RBFOX1: variants seen among roughly 807,000 people sequenced by gnomAD.
RBFOX1 encodes the protein RNA binding fox-1 homolog 1.
RBFOX1 carries 8 observed loss-of-function variants against 57.7 expected under a neutral mutation model. The ratio of observed to expected loss-of-function variants is 0.14; its 90% CI spans 0.08 to 0.25. RBFOX1 has a LOEUF of 0.25. Among genes scored for constraint, RBFOX1 ranks in the 10% least tolerant of loss-of-function variants. The pLI, the probability that RBFOX1 is intolerant of heterozygous loss-of-function variation, is 1.00. For synonymous variants in RBFOX1, 326 were observed against 222.4 expected (o/e 1.47, Z -4.15); for missense variants, 611 against 548.5 (o/e 1.11, Z -1.14).
intron 2 of RBFOX1, among the ~76,000 whole-genome samples, chr16:6,545,428 G>T (rs1188566191): frequency 6.6e-6 from 1 of 152,024 alleles, no homozygotes; most frequent in African/African-American, 2.4e-5. Flanking sequence ...CATTCTTAGG[G>T]CTTTCAACAC....
chr16:6,442,901 C>T (rs2094414242), intron 2 of RBFOX1, among the ~76,000 whole-genome samples: 1 of 152,114 alleles, frequency 6.6e-6, no homozygotes, highest in African/African-American at 2.4e-5. Context: ...GTGTGTTTGC[C>T]ATGCGAAAGT....
intron 3 of RBFOX1, among the ~76,000 whole-genome samples, chr16:5,830,823 G>T (rs1042150144): frequency 5.3e-5 from 8 of 152,120 alleles, no homozygotes; most frequent in African/African-American, 1.7e-4. Flanking sequence ...AGGGTCTTCA[G>T]ACTGTGTTCA....
intron 2 of RBFOX1, among the ~76,000 whole-genome samples, chr16:6,503,716 T>C (rs1294115882): frequency 6.6e-6 from 1 of 152,174 alleles, no homozygotes; most frequent in Non-Finnish European, 1.5e-5. Flanking sequence ...ATGTTGCATT[T>C]TCTGATGTCT....
intron 3 of RBFOX1, among the ~76,000 whole-genome samples, chr16:6,914,200 C>A (rs1480207640): frequency 6.6e-6 from 1 of 152,134 alleles, no homozygotes; most frequent in African/African-American, 2.4e-5. Context: ...TTCTAAAATA[C>A]CTCACTGAGT....
intron 3 of RBFOX1, among the ~76,000 whole-genome samples, chr16:6,722,920 T>A (rs1214628483): frequency 6.6e-6 from 1 of 152,206 alleles, no homozygotes; most frequent in Admixed American, 6.5e-5. Context: ...ATATTTGTGG[T>A]TGGGGACTAG....
At chr16:6,756,655 G>C (rs985757363) in intron 3 of RBFOX1, among the ~76,000 whole-genome samples, 3 of 151,998 alleles carry the variant, frequency 2.0e-5, no homozygotes, top group African/African-American at 4.8e-5. Flanking sequence ...ATGGGCAAAG[G>C]ATCTGAATAA....
At chr16:7,573,693 G>A (rs3826215) in intron 5 of RBFOX1, among the ~76,000 whole-genome samples, 39,830 of 151,832 alleles carry the variant, frequency 0.26, 6,177 homozygotes, top group Non-Finnish European at 0.34. Context: ...AATGAGCCAG[G>A]CACAGTGGCA....
At chr16:7,709,657 G>A in intron 15 of RBFOX1, 1 of 1,521,860 alleles carries the variant, frequency 6.6e-7, no homozygotes, top group East Asian at 2.5e-5. Flanking sequence ...GGCACACTTT[G>A]TGTGTGTACC....
At chr16:7,503,621 C>T (rs952099204) in intron 4 of RBFOX1, among the ~76,000 whole-genome samples, 10 of 152,032 alleles carry the variant, frequency 6.6e-5, no homozygotes, top group Admixed American at 3.3e-4. Context: ...AACTTTTCCC[C>T]CTTTAGAAAA....
At chr16:6,810,137 C>G (rs530333521) in intron 3 of RBFOX1, among the ~76,000 whole-genome samples, 7 of 151,738 alleles carry the variant, frequency 4.6e-5, no homozygotes, top group East Asian at 1.9e-4. Context: ...AAATATGCCT[C>G]TTATGGACAG....
chr16:7,535,479 C>G (rs756379719), intron 5 of RBFOX1, among the ~76,000 whole-genome samples: 9 of 152,182 alleles, frequency 5.9e-5, no homozygotes, highest in Admixed American at 2.6e-4. Flanking sequence ...ATAAACTGGG[C>G]TAGATGGTGT....
chr16:6,837,492 A>G (rs1255642727), intron 3 of RBFOX1, among the ~76,000 whole-genome samples: 2 of 152,194 alleles, frequency 1.3e-5, no homozygotes, highest in African/African-American at 4.8e-5. Flanking sequence ...ACATGGATGA[A>G]CATAACCATG....
At chr16:7,322,469 C>T (rs1208225442) in intron 4 of RBFOX1, among the ~76,000 whole-genome samples, 3 of 152,206 alleles carry the variant, frequency 2.0e-5, no homozygotes, top group Admixed American at 1.3e-4. Context: ...TTTGACTTTG[C>T]GCATGCCTGC....
intron 1 of RBFOX1, among the ~76,000 whole-genome samples, chr16:5,438,525 C>A (rs1005088553): frequency 6.6e-6 from 1 of 152,182 alleles, no homozygotes; most frequent in African/African-American, 2.4e-5. Context: ...ACCAGATATG[C>A]CCCCTGTTCT....
At chr16:7,526,182 CA>C (rs2078667231) in intron 5 of RBFOX1, among the ~76,000 whole-genome samples, 1 of 152,134 alleles carries the variant, frequency 6.6e-6, no homozygotes, top group Non-Finnish European at 1.5e-5. Context: ...ATCTGAGGTG[CA>C]ACCATTTCAT....
rs1555630917 is a variant in RBFOX1, at chr16:6,335,797, A to AAAAAAGAAAAG, written c.-64+18744_-64+18745insAGAAAAGAAAA. On this transcript the variant is annotated intron_variant, in intron 2 of 15. Coordinates refer to ENST00000550418, the MANE Select transcript of RBFOX1 (RefSeq NM_018723.4). Reference sequence around the variant, plus strand: ...TCTCCAAAAAAAAAAAAAAGAAAAAAAAAAGAAAAGAAAAGAAAAGAAAAA... The same window carrying AAAAAAGAAAAG: ...TCTCCAAAAAAAAAAAAAAGAAAAAAAAAAAGAAAAGAAAAGAAAAGAAAAGAAAAGAAAAA... 1.8e-3 allele frequency among the ~76,000 whole-genome samples: 267 copies of AAAAAAGAAAAG among 149,724 alleles called. 1 individual carries two copies. Among genetic ancestry groups the AAAAAAGAAAAG allele is most frequent in the African/African-American group, 6.4e-3 (256 of 40,178 alleles).
At chr16:7,562,047 G>T (rs961723470) in intron 5 of RBFOX1, among the ~76,000 whole-genome samples, 6 of 152,142 alleles carry the variant, frequency 3.9e-5, no homozygotes, top group Non-Finnish European at 7.4e-5. Context: ...GGAGGAAAAG[G>T]TTGGAGGCGT....
intron 4 of RBFOX1, among the ~76,000 whole-genome samples, chr16:7,128,508 C>T (rs1392146965): frequency 6.6e-6 from 1 of 152,138 alleles, no homozygotes; most frequent in African/African-American, 2.4e-5. Context: ...CTGATATCCC[C>T]AGCAAGCTAG....
Position 5,864,439 on chromosome 16 carries a change from C to G in RBFOX1, c.319-2864C>G, listed in dbSNP as rs373734714. Among the ~76,000 whole-genome samples the G allele has an allele frequency of 5.3e-5, 8 of 152,200 alleles. No homozygotes were observed. In the East Asian group the frequency reaches 1.5e-3, roughly 29 times the overall value. ...GGTCCCAGTCAAGTTCCAGTTTGCTCAGGAGTAAACCTTTTGTCGGTTTGA... is the reference window on the plus strand; with the variant it reads ...GGTCCCAGTCAAGTTCCAGTTTGCTGAGGAGTAAACCTTTTGTCGGTTTGA... On this transcript the variant is annotated intron_variant, in intron 3 of 19. Transcript: ENST00000641259.
Sources: allele counts gnomAD v4.1 joint callset (sites outside exome capture counted in the v4.1 genomes callset), GRCh38; gene constraint gnomAD v4.1.1; transcripts MANE v1.5; gene names NCBI Gene and HGNC (gene_info 2026-07-23, HGNC 2026-07-21).